LENG8: variants seen among roughly 807,000 people sequenced by gnomAD.
LENG8 encodes the protein leukocyte receptor cluster (LRC) member 8.
LENG8 carries 28 observed loss-of-function variants against 102.1 expected under a neutral mutation model. The observed-to-expected ratio is 0.27, with a 90% confidence interval of 0.20 to 0.38. The LOEUF (loss-of-function observed/expected upper bound fraction) is 0.38. Among genes scored for constraint, LENG8 ranks in the 10% least tolerant of loss-of-function variants. The probability of loss-of-function intolerance (pLI) is 1.00; values close to 1 mark genes in which losing one functional copy is unlikely to be tolerated. For synonymous variants in LENG8, 531 were observed against 456.7 expected (o/e 1.16, Z -2.07); for missense variants, 1,022 against 1,113.9 (o/e 0.92, Z 1.17).
chr19:54,452,654 G>C lies in LENG8; in HGVS notation c.217G>C (p.Val73Leu). The part of the protein sequence containing the change: ...SNGPVASAQY[V>L]SQAEASALQQ... The stretch of plus-strand genomic sequence containing the variant: ...ACATGTGCCTCTGCTTCCACAGTAC[G>C]TGTCCCAGGCAGAAGCCTCAGCTTT... Residue 73 changes from valine (V) to leucine (L), a missense_variant, in exon 4 of 16, where the codon GTG (valine) becomes CTG (leucine). By Grantham distance (32) the Val-to-Leu change is conservative. Around this residue, in one of 7 missense-constraint regions of LENG8, gnomAD observed 343 missense variants for 320.2 expected, o/e 1.07. Transcript: ENST00000326764. 6.2e-7 allele frequency: 1 copy of C among 1,613,186 alleles called. No individual in the cohort carries two copies. Among genetic ancestry groups the C allele is most frequent in the Non-Finnish European group, 8.5e-7 (1 of 1,179,240 alleles).
In LENG8 at chr19:54,458,175, G is replaced by A; in HGVS notation, c.1975G>A (p.Val659Met). The part of the protein sequence containing the change: ...SLYAENLPGN[V>M]GEFTAYRILY... ...GTACGCCGAGAACTTGCCTGGCAAT[G>A]TGGGCGAGTTTACTGCCTACCGAAT... Residue 659 changes from valine (V) to methionine (M), a missense_variant, in exon 14 of 16, where the codon GTG (valine) becomes ATG (methionine). Coordinates refer to ENST00000326764, the MANE Select transcript of LENG8 (RefSeq NM_052925.4). 3 of 1,614,220 alleles carry A rather than the reference G, an allele frequency of 1.9e-6. No individual in the cohort carries two copies. The highest frequency in any genetic ancestry group is 2.5e-6 in the Non-Finnish European group (3 of 1,180,046).
rs1380559394 is a variant in LENG8 at position 54,461,405 on chromosome 19, T to A, written c.*477T>A. 1 of 458,036 alleles carries A rather than the reference T, an allele frequency of 2.2e-6. No individual in the cohort carries two copies. Among genetic ancestry groups the A allele is most frequent in the Non-Finnish European group, 4.4e-6 (1 of 227,658 alleles). The allele number at this position is 458,036 out of a possible 1,614,324, so 28.4% of individuals were successfully genotyped here. On this transcript the variant is annotated 3_prime_UTR_variant, in exon 16 of 16. Coordinates refer to ENST00000326764, the MANE Select transcript of LENG8 (RefSeq NM_052925.4). ...CCTCACCTGCTTCGCCACAGACTCT[T>A]GTTCCCAGCCCCTTGGGGCCTCCGT...
At chr19:54,459,888 A>C in intron 15 of LENG8, 3 of 1,170,180 alleles carry the variant, frequency 2.6e-6, no homozygotes, top group Non-Finnish European at 3.2e-6. Context: ...GGGCCCCATG[A>C]ATGGTGGCTC....
rs1233863656 is a variant in LENG8 at position 54,461,976 on chromosome 19, G to C, written c.*1048G>C. ...TCCTTGGAGCACTGAGCACCATTTG[G>C]AAGCTTGAGAGAAACCAAAATTAAA... On this transcript the variant is annotated 3_prime_UTR_variant, in exon 16 of 16. Coordinates refer to ENST00000326764, the MANE Select transcript of LENG8 (RefSeq NM_052925.4). 14 of 1,207,058 alleles carry C rather than the reference G, an allele frequency of 1.2e-5. No individual in the cohort carries two copies. Among genetic ancestry groups the C allele is most frequent in the Non-Finnish European group, 1.2e-5 (10 of 831,412 alleles). The allele number at this position is 1,207,058 out of a possible 1,614,324, so 74.8% of individuals were successfully genotyped here. A position where few individuals can be genotyped will look rare whatever the true frequency, so the allele number is the denominator to read the frequency against.
At chr19:54,453,698 G>T in intron 5 of LENG8, 42 bp downstream of exon 5, 7 of 1,438,286 alleles carry the variant, frequency 4.9e-6, no homozygotes, top group Non-Finnish European at 6.8e-6. Context: ...TCAAGCAGAG[G>T]AAGTGTAGAT....
chr19:54,460,983 C>G lies in LENG8; in HGVS notation c.*55C>G. On this transcript the variant is annotated 3_prime_UTR_variant, in exon 16 of 16. Transcript: ENST00000326764. ...GCTGCAGCCCCCAGCGCTGCCTTTG[C>G]GGATTCTGTTTTTGAGCCGTGGACT... is the stretch of plus-strand genomic sequence containing the variant. 1.0e-5 allele frequency: 16 copies of G among 1,534,636 alleles called. No individual in the cohort carries two copies. The highest frequency in any genetic ancestry group is 1.4e-5 in the Non-Finnish European group (16 of 1,146,120).
Position 54,452,635 on chromosome 19 carries a change from GC to G in LENG8, c.214-14del, listed in dbSNP as rs1310194705. 1 of 1,179,656 alleles carries G rather than the reference GC, an allele frequency of 8.5e-7. No homozygotes were observed. The highest frequency in any genetic ancestry group is 1.2e-5 in the South Asian group (1 of 80,242). The allele number at this position is 1,179,656 out of a possible 1,614,324, so 73.1% of individuals were successfully genotyped here. A position where few individuals can be genotyped will look rare whatever the true frequency, so the allele number is the denominator to read the frequency against. On this transcript the variant is annotated splice_polypyrimidine_tract_variant and intron_variant, in intron 3 of 15. Transcript: ENST00000326764. Reference sequence around the variant, plus strand: ...GATTTGGGCTGCTGACGGCACATGTGCCTCTGCTTCCACAGTACGTGTCCCA... The same window carrying G: ...GATTTGGGCTGCTGACGGCACATGTGCTCTGCTTCCACAGTACGTGTCCCA...
Position 54,460,912 on chromosome 19 carries a change from A to G in LENG8, c.2387A>G (p.Gln796Arg), listed in dbSNP as rs1471235144. Residue 796 changes from glutamine to arginine, a missense_variant, in exon 16 of 16, where the codon CAG becomes CGG. Around this residue, in one of 7 missense-constraint regions of LENG8, gnomAD observed 129 missense variants for 123.0 expected, o/e 1.05. Transcript: ENST00000326764. ...SSIDCRLSLA[Q>R]LSAF ...ATCGACTGCCGCCTCAGCCTGGCGCAGCTGTCAGCCTTCTGAGCACCCAGC... is the reference window on the plus strand; with the variant it reads ...ATCGACTGCCGCCTCAGCCTGGCGCGGCTGTCAGCCTTCTGAGCACCCAGC... The G allele has an allele frequency of 4.5e-6, 7 of 1,549,402 alleles. No homozygotes were observed. In the Admixed American group the frequency reaches 1.4e-4, roughly 30 times the overall value.
chr19:54,453,696 A>G, intron 5 of LENG8, 40 bp downstream of exon 5: 1 of 1,441,774 alleles, frequency 6.9e-7, no homozygotes, highest in Non-Finnish European at 9.6e-7. Flanking sequence ...GCTCAAGCAG[A>G]GGAAGTGTAG....
At chr19:54,455,842 A>G in intron 8 of LENG8, 125 bp from the exon 9 acceptor site, 1 of 1,067,052 alleles carries the variant, frequency 9.4e-7, no homozygotes, top group Non-Finnish European at 1.3e-6. Context: ...GCACTGTAGT[A>G]GCTGAGCCGC....
At chr19:54,451,256 C>T in intron 1 of LENG8, 34 bp from the exon 2 acceptor site, 3 of 1,392,740 alleles carry the variant, frequency 2.2e-6, no homozygotes, top group South Asian at 1.2e-5. Context: ...TTAGCTCCCC[C>T]TTAAGTCTCC....
rs577895549 is a variant in LENG8 at position 54,461,620 on chromosome 19, G to A, written c.*692G>A. 1 of 474,094 alleles carries A rather than the reference G, an allele frequency of 2.1e-6. No individual in the cohort carries two copies. The highest frequency in any genetic ancestry group is 6.9e-5 in the East Asian group (1 of 14,470). 29.4% of individuals were successfully genotyped at this position (474,094 alleles called of 1,614,324 possible). A position where few individuals can be genotyped will look rare whatever the true frequency, so the allele number is the denominator to read the frequency against. ...TCCCTCTGCCCCCAGTGTTTCTTCT[G>A]ATTTTTTTTTCCCCTTTCCCTCCCT... On this transcript the variant is annotated 3_prime_UTR_variant, in exon 16 of 16. Coordinates refer to ENST00000326764, the MANE Select transcript of LENG8 (RefSeq NM_052925.4).
In LENG8 at chr19:54,460,947, C is replaced by CG; in HGVS notation, c.*24dup. On this transcript the variant is annotated 3_prime_UTR_variant, in exon 16 of 16. Transcript: ENST00000326764. ...CTTCTGAGCACCCAGCGAGGAGGGG[C>CG]GGGGGCAGGGGCTGCAGCCCCCAGC... The CG allele has an allele frequency of 6.5e-7, 1 of 1,527,118 alleles. No homozygotes were observed. The highest frequency in any genetic ancestry group is 1.2e-5 in the South Asian group (1 of 81,960). 94.6% of individuals were successfully genotyped at this position (1,527,118 alleles called of 1,614,324 possible). A position where few individuals can be genotyped will look rare whatever the true frequency, so the allele number is the denominator to read the frequency against.
intron 15 of LENG8, 47 bp from the exon 16 acceptor site, chr19:54,460,719 G>GGGCCCACC: frequency 5.1e-6 from 4 of 778,914 alleles, no homozygotes; most frequent in Non-Finnish European, 7.2e-6. Context: ...GCCCTCCCCT[G>GGGCCCACC]CCCTCCCGCC....
intron 1 of LENG8, among the ~76,000 whole-genome samples, chr19:54,450,529 C>T (rs766059988): frequency 7.2e-5 from 11 of 152,098 alleles, no homozygotes; most frequent in African/African-American, 1.4e-4. Flanking sequence ...ACCTTTCCAC[C>T]CTCTCAGCCT....
intron 2 of LENG8, 81 bp downstream of exon 2, chr19:54,451,463 T>A: frequency 6.9e-7 from 1 of 1,444,730 alleles, no homozygotes; most frequent in African/African-American, 1.4e-5. Context: ...GGGTGGGACC[T>A]CCCGTGGCCT....
chr19:54,460,426 G>C, intron 15 of LENG8: 1 of 1,253,212 alleles, frequency 8.0e-7, no homozygotes, highest in South Asian at 1.6e-5. Flanking sequence ...TGGCAGCCCC[G>C]CCATCCCCAT....
At chr19:54,453,695 G>A (rs370399332) in intron 5 of LENG8, 39 bp downstream of exon 5, 152 of 1,452,064 alleles carry the variant, frequency 1.0e-4, no homozygotes, top group Non-Finnish European at 1.4e-4. Flanking sequence ...TGCTCAAGCA[G>A]AGGAAGTGTA....
At position 54,461,517 on chromosome 19, in the gene LENG8, G is replaced by A. The variant is rs201772847; in HGVS notation, c.*589G>A. 3.3e-4 allele frequency: 156 copies of A among 470,336 alleles called. No individual in the cohort carries two copies. Among genetic ancestry groups the A allele is most frequent in the Middle Eastern group, 6.5e-4 (2 of 3,096 alleles). 29.1% of individuals were successfully genotyped at this position (470,336 alleles called of 1,614,324 possible). On this transcript the variant is annotated 3_prime_UTR_variant, in exon 16 of 16. Transcript: ENST00000326764. ...CAGCACCACCAGCACCAGATCCTCC[G>A]CCGCCACACCGCACTGAGGACACGC...
Sources: gnomAD v4.1 joint callset for allele counts (sites outside exome capture counted in the v4.1 genomes callset) on GRCh38, gnomAD v4.1.1 for gene constraint, gnomAD v4.1.1 regional missense constraint, MANE v1.5 for transcripts, NCBI Gene and HGNC (gene_info 2026-07-23, HGNC 2026-07-21) for gene names.